TRDN: variants seen among roughly 807,000 people sequenced by gnomAD.
TRDN encodes the protein triadin in skeletal muscle.
TRDN carries 161 observed loss-of-function variants against 149.7 expected under a neutral mutation model. That is an observed-to-expected ratio of 1.08 (90% CI 0.95 to 1.23). TRDN has a LOEUF of 1.23. Ranked by LOEUF, TRDN falls within the 50% of genes most tolerant of loss-of-function variation. TRDN has a pLI of 0.00. For synonymous variants in TRDN, 294 were observed against 250.5 expected (o/e 1.17, Z -1.64); for missense variants, 896 against 823.5 (o/e 1.09, Z -1.08).
At chr6:123,472,488 G>A (rs968641645) in intron 9 of TRDN, among the ~76,000 whole-genome samples, 12 of 152,200 alleles carry the variant, frequency 7.9e-5, no homozygotes, top group East Asian at 7.7e-4. Context: ...ACTGTAAGGC[G>A]GCAGCAAGGC....
chr6:123,276,243 G>A (rs1777363310), intron 26 of TRDN, among the ~76,000 whole-genome samples: 1 of 152,062 alleles, frequency 6.6e-6, no homozygotes, highest in Non-Finnish European at 1.5e-5. Flanking sequence ...GAAGTAGAAT[G>A]TTGCTAGAAA....
intron 2 of TRDN, among the ~76,000 whole-genome samples, chr6:123,550,440 CT>C (rs1781326441): frequency 6.6e-6 from 1 of 151,968 alleles, no homozygotes; most frequent in African/African-American, 2.4e-5. Flanking sequence ...GAGAATGGAC[CT>C]TTGGATTGGA....
chr6:123,272,819 A>G (rs1019501581), intron 29 of TRDN, 145 bp downstream of exon 29: 2 of 625,932 alleles, frequency 3.2e-6, no homozygotes, highest in African/African-American at 4.0e-5. Flanking sequence ...TCTGAAGATG[A>G]CTAAAATTGG....
At chr6:123,378,482 G>A (rs919712521) in intron 16 of TRDN, among the ~76,000 whole-genome samples, 1 of 151,566 alleles carries the variant, frequency 6.6e-6, no homozygotes, top group African/African-American at 2.4e-5. Flanking sequence ...GTGTGTGTGT[G>A]TGTGTGTGTG....
chr6:123,244,950 TAAAG>T (rs1776120268), intron 38 of TRDN, among the ~76,000 whole-genome samples: 1 of 152,096 alleles, frequency 6.6e-6, no homozygotes, highest in Non-Finnish European at 1.5e-5. Context: ...TCAACATTCT[TAAAG>T]AAAACAATTT....
chr6:123,436,347 A>G (rs2114587276), intron 12 of TRDN, among the ~76,000 whole-genome samples: 1 of 152,286 alleles, frequency 6.6e-6, no homozygotes, highest in East Asian at 1.9e-4. Flanking sequence ...ATAGACTACA[A>G]TAATACAGCC....
At chr6:123,306,568 G>T (rs968583922) in intron 24 of TRDN, among the ~76,000 whole-genome samples, 1 of 152,078 alleles carries the variant, frequency 6.6e-6, no homozygotes, top group Middle Eastern at 3.2e-3. Context: ...GGAATTGCTT[G>T]TTGTAACCTG....
intron 10 of TRDN, among the ~76,000 whole-genome samples, chr6:123,455,055 A>G (rs771456489): frequency 6.6e-6 from 1 of 152,222 alleles, no homozygotes; most frequent in Non-Finnish European, 1.5e-5. Context: ...CATGGGCAGA[A>G]AAGAAGTGCC....
intron 38 of TRDN, among the ~76,000 whole-genome samples, chr6:123,228,210 TA>T (rs1231165560): frequency 6.6e-6 from 1 of 151,906 alleles, no homozygotes; most frequent in Non-Finnish European, 1.5e-5. Context: ...GTGGGACAAT[TA>T]AAAATCAGAG....
At position 123,381,328 on chromosome 6, in the gene TRDN, T is replaced by C. The variant is rs572868999; in HGVS notation, c.1186+42A>G. 166 of 1,232,602 alleles carry C rather than the reference T, an allele frequency of 1.3e-4. No individual in the cohort carries two copies. The South Asian group carries it at 2.5e-3, about 18-fold the overall frequency. The allele number at this position is 1,232,602 out of a possible 1,614,324, so 76.4% of individuals were successfully genotyped here. A position where few individuals can be genotyped will look rare whatever the true frequency, so the allele number is the denominator to read the frequency against. On this transcript the variant is annotated intron_variant, in intron 16 of 40. Transcript: ENST00000334268. The stretch of plus-strand genomic sequence containing the variant: ...TACAGCAGCAGGCAAATAATAGTAG[T>C]AAAAAAAAAAGTACACAAATACACT...
intron 40 of TRDN, 120 bp downstream of exon 40, chr6:123,221,367 T>C (rs1317871498): frequency 7.8e-6 from 4 of 509,958 alleles, no homozygotes; most frequent in Non-Finnish European, 1.4e-5. Context: ...TTATTCTTCA[T>C]GTCTATGCTA....
intron 24 of TRDN, among the ~76,000 whole-genome samples, chr6:123,284,082 G>GCCC (rs141393840): frequency 7.6e-5 from 8 of 105,460 alleles, no homozygotes; most frequent in Non-Finnish European, 1.5e-4. Context: ...ACTAACTCTT[G>GCCC]CCCCCCCCCC....
At chr6:123,571,281 C>T in intron 1 of TRDN, 149 bp from the exon 2 acceptor site, 2 of 744,394 alleles carry the variant, frequency 2.7e-6, no homozygotes, top group Non-Finnish European at 2.1e-6. Context: ...GCCTCCCTGC[C>T]CACTAGCACA....
intron 1 of TRDN, among the ~76,000 whole-genome samples, chr6:123,626,776 TA>T (rs1241366129): frequency 1.3e-5 from 2 of 151,996 alleles, no homozygotes; most frequent in Non-Finnish European, 2.9e-5. Context: ...ATTTGTAATG[TA>T]AAAATTATAT....
intron 23 of TRDN, among the ~76,000 whole-genome samples, chr6:123,331,032 T>C (rs1358605280): frequency 6.6e-6 from 1 of 152,102 alleles, no homozygotes; most frequent in Non-Finnish European, 1.5e-5. Flanking sequence ...CAATAGTAAG[T>C]ACATTACTTG....
chr6:123,464,938 G>T lies in TRDN; in HGVS notation c.899C>A (p.Ser300Tyr). Reference protein sequence around the residue: ...IPPPLPTEQASRPTPASPALE... With the variant: ...IPPPLPTEQAYRPTPASPALE... ...GGCAGGTGATGCCGGAGTGGGTCTG[G>T]AAGCTTGTTCTGTCGGTAAGGGAGG... Residue 300 changes from serine (S) to tyrosine (Y), a missense_variant, in exon 10 of 41, where the codon TCC becomes TAC. Physicochemically the swap from Ser to Tyr is moderately radical, Grantham distance 144. Transcript: ENST00000334268. The T allele has an allele frequency of 6.3e-7, 1 of 1,599,308 alleles. No individual in the cohort carries two copies. Among genetic ancestry groups the T allele is most frequent in the African/African-American group, 1.3e-5 (1 of 74,802 alleles).
chr6:123,260,507 T>G, intron 34 of TRDN, 105 bp downstream of exon 34: 1 of 1,237,794 alleles, frequency 8.1e-7, no homozygotes, highest in Non-Finnish European at 1.1e-6. Flanking sequence ...ATATCTGGAA[T>G]TTGAGCAGCT....
At chr6:123,245,014 GA>G (rs1776123193) in intron 38 of TRDN, among the ~76,000 whole-genome samples, 1 of 152,138 alleles carries the variant, frequency 6.6e-6, no homozygotes, top group South Asian at 2.1e-4. Flanking sequence ...AAGCAAAGGA[GA>G]AATAAAATCC....
chr6:123,240,052 C>G (rs981085562), intron 38 of TRDN, among the ~76,000 whole-genome samples: 9 of 151,926 alleles, frequency 5.9e-5, no homozygotes, highest in East Asian at 1.9e-4. Context: ...TACACACACA[C>G]AGAGATGAGA....
Sources: allele counts gnomAD v4.1 joint callset (sites outside exome capture counted in the v4.1 genomes callset), GRCh38; gene constraint gnomAD v4.1.1; transcripts MANE v1.5; gene names NCBI Gene and HGNC (gene_info 2026-07-23, HGNC 2026-07-21).